The following SIPA1L2 variants were observed in gnomAD, a reference collection of about 807,000 sequenced individuals.
The protein encoded by SIPA1L2 is signal-induced proliferation-associated 1-like protein 2.
A neutral mutation model predicts 163.9 loss-of-function variants in SIPA1L2; 56 were observed. That is an observed-to-expected ratio of 0.34 (90% CI 0.28 to 0.43). SIPA1L2 has a LOEUF of 0.43. SIPA1L2 is among the 20% of genes least tolerant of loss of function. The probability of loss-of-function intolerance (pLI) is 1.00; values close to 1 mark genes in which losing one functional copy is unlikely to be tolerated. For synonymous variants in SIPA1L2, 877 were observed against 865.7 expected, an observed-to-expected ratio of 1.01 and a Z score of -0.23; for missense variants, 1,974 against 2,193.5, an observed-to-expected ratio of 0.90 and a Z score of 2.00.
chr1:232,429,003 G>A (rs1217480876), intron 16 of SIPA1L2, among the ~76,000 whole-genome samples: 1 of 152,190 alleles, frequency 6.6e-6, no homozygotes, highest in Non-Finnish European at 1.5e-5. Flanking sequence ...ACCCGAGGGA[G>A]CCCGGGGTTT....
intron 1 of SIPA1L2, among the ~76,000 whole-genome samples, chr1:232,575,424 A>G (rs747995046): frequency 1.1e-4 from 16 of 152,208 alleles, no homozygotes; most frequent in Non-Finnish European, 1.9e-4. Context: ...CTCCTTTTTC[A>G]ATCTGTCTCC....
intron 6 of SIPA1L2, among the ~76,000 whole-genome samples, chr1:232,480,900 T>C (rs1033058693): frequency 1.3e-5 from 2 of 152,196 alleles, no homozygotes; most frequent in African/African-American, 2.4e-5. Context: ...CTGAACCCTG[T>C]AGTATGTCTT....
At chr1:232,470,890 G>A (rs1205167968) in intron 8 of SIPA1L2, among the ~76,000 whole-genome samples, 1 of 152,178 alleles carries the variant, frequency 6.6e-6, no homozygotes, top group Non-Finnish European at 1.5e-5. Flanking sequence ...GAGTCTGAGA[G>A]TAGTGGTTAA....
At chr1:232,442,715 G>GA (rs1662979841) in intron 12 of SIPA1L2, among the ~76,000 whole-genome samples, 1 of 152,054 alleles carries the variant, frequency 6.6e-6, no homozygotes, top group Non-Finnish European at 1.5e-5. Context: ...TTGGTTTACA[G>GA]AAAAAGCCAG....
chr1:232,546,950 A>C (rs933662589), intron 2 of SIPA1L2, among the ~76,000 whole-genome samples: 1 of 152,192 alleles, frequency 6.6e-6, no homozygotes, highest in Admixed American at 6.5e-5. Flanking sequence ...TCCAGGTAGA[A>C]GGAGCGGCTG....
At chr1:232,482,717 G>C (rs1197196971) in intron 6 of SIPA1L2, among the ~76,000 whole-genome samples, 1 of 152,136 alleles carries the variant, frequency 6.6e-6, no homozygotes, top group Non-Finnish European at 1.5e-5. Flanking sequence ...CATCCAGATG[G>C]AGTATCAGTG....
At chr1:232,415,455 C>T (rs1661190541) in intron 19 of SIPA1L2, 39 bp downstream of exon 19, 3 of 1,566,212 alleles carry the variant, frequency 1.9e-6, no homozygotes, top group South Asian at 2.4e-5. Flanking sequence ...AAAGCACTCC[C>T]AGGGTAAGGG....
At chr1:232,512,247 T>C (rs1667013118) in intron 3 of SIPA1L2, among the ~76,000 whole-genome samples, 1 of 152,186 alleles carries the variant, frequency 6.6e-6, no homozygotes. Context: ...TGTGGACAAA[T>C]AGGAACATTT....
At chr1:232,624,440 T>C (rs1215338935) in intron 1 of SIPA1L2, among the ~76,000 whole-genome samples, 1 of 152,222 alleles carries the variant, frequency 6.6e-6, no homozygotes, top group African/African-American at 2.4e-5. Context: ...ACAGTGAAAG[T>C]AGTTATGCTG....
chr1:232,514,454 G>A lies in SIPA1L2; in HGVS notation c.886C>T (p.Arg296Ter). The change falls in exon 3 of 23, where the codon CGA becomes TGA. Residue 296 changes from arginine (R) to a stop codon, truncating the protein, a stop_gained. Coordinates refer to ENST00000674635, the MANE Select transcript of SIPA1L2 (RefSeq NM_020808.5). LOFTEE classifies it high-confidence loss of function. Reference protein sequence around the residue: ...SVETSLFRKLRTVKSEHETFK... With the variant: ...SVETSLFRKL ...GTTTCGTGCTCACTTTTAACAGTTC[G>A]AAGCTTTCGGAAGAGAGATGTTTCC... The A allele has an allele frequency of 6.2e-7, 1 of 1,614,188 alleles. No homozygotes were observed. Among genetic ancestry groups the A allele is most frequent in the Non-Finnish European group, 8.5e-7 (1 of 1,180,046 alleles).
At chr1:232,406,977 A>G (rs1253609165) in intron 19 of SIPA1L2, among the ~76,000 whole-genome samples, 1 of 152,238 alleles carries the variant, frequency 6.6e-6, no homozygotes, top group African/African-American at 2.4e-5. Flanking sequence ...TGCATTGCAG[A>G]AAACTGACTT....
intron 16 of SIPA1L2, among the ~76,000 whole-genome samples, chr1:232,430,982 G>A (rs972019686): frequency 2.6e-5 from 4 of 152,034 alleles, no homozygotes; most frequent in East Asian, 1.9e-4. Context: ...ACACTGCCTC[G>A]CTCTCACTGA....
intron 5 of SIPA1L2, among the ~76,000 whole-genome samples, chr1:232,485,616 G>C (rs1665608104): frequency 6.6e-6 from 1 of 152,068 alleles, no homozygotes; most frequent in South Asian, 2.1e-4. Context: ...GACATTTCAG[G>C]GTCTTAAAGT....
At position 232,432,701 on chromosome 1, in the gene SIPA1L2, T is replaced by C. The variant is rs1489375632; in HGVS notation, c.4032-230A>G. Among the ~76,000 whole-genome samples the C allele has an allele frequency of 2.0e-5, 3 of 152,294 alleles. No individual in the cohort carries two copies. The East Asian group carries it at 5.8e-4, about 29-fold the overall frequency. ...TGTATGCCTGTGGCAGGAAGGATGT[T>C]AAAAACATGGCCGGGGAAATCTGAT... is the stretch of plus-strand genomic sequence containing the variant. On this transcript the variant is annotated intron_variant, in intron 15 of 22. Transcript: ENST00000674635.
intron 10 of SIPA1L2, 67 bp downstream of exon 10, chr1:232,460,820 C>CT: frequency 6.4e-7 from 1 of 1,557,500 alleles, no homozygotes; most frequent in South Asian, 1.2e-5. Flanking sequence ...TGCAGGAGCA[C>CT]TGAGGACAGC....
At chr1:232,589,270 T>A (rs140945698) in intron 1 of SIPA1L2, among the ~76,000 whole-genome samples, 1 of 152,372 alleles carries the variant, frequency 6.6e-6, no homozygotes, top group Non-Finnish European at 1.5e-5. Context: ...ATTTAAACAT[T>A]TGGATCTCCA....
intron 1 of SIPA1L2, among the ~76,000 whole-genome samples, chr1:232,615,585 T>C (rs1662460100): frequency 6.6e-6 from 1 of 152,224 alleles, no homozygotes; most frequent in Non-Finnish European, 1.5e-5. Flanking sequence ...CATTATTCCA[T>C]TCATCAAGTG....
At chr1:232,540,692 C>G (rs971011446) in intron 2 of SIPA1L2, among the ~76,000 whole-genome samples, 1 of 151,638 alleles carries the variant, frequency 6.6e-6, no homozygotes, top group Non-Finnish European at 1.5e-5. Flanking sequence ...AAGAAGAAAA[C>G]TGAGCCTACG....
At chr1:232,555,977 C>G (rs1014070846) in intron 2 of SIPA1L2, among the ~76,000 whole-genome samples, 1 of 152,110 alleles carries the variant, frequency 6.6e-6, no homozygotes, top group African/African-American at 2.4e-5. Flanking sequence ...CATAGTTAAC[C>G]CAGAAGACTG....
Sources: gnomAD v4.1 joint callset for allele counts (sites outside exome capture counted in the v4.1 genomes callset) on GRCh38, gnomAD v4.1.1 for gene constraint, MANE v1.5 for transcripts, NCBI Gene and HGNC (gene_info 2026-07-23, HGNC 2026-07-21) for gene names.